The following ECT2L variants were observed in gnomAD, a reference collection of about 807,000 sequenced individuals.
ECT2L encodes epithelial cell-transforming sequence 2 oncogene-like.
A neutral mutation model predicts 122.8 loss-of-function variants in ECT2L; 126 were observed. The ratio of observed to expected loss-of-function variants is 1.03; its 90% CI spans 0.89 to 1.19. The LOEUF (loss-of-function observed/expected upper bound fraction) is 1.19. Ranked by LOEUF, ECT2L falls within the 50% of genes most tolerant of loss-of-function variation. The pLI, the probability that ECT2L is intolerant of heterozygous loss-of-function variation, is 0.00. For missense variants in ECT2L, 1,012 were observed against 1,064.1 expected, an observed-to-expected ratio of 0.95 and a Z score of 0.68; for synonymous variants, 385 against 381.8, an observed-to-expected ratio of 1.01 and a Z score of -0.10.
chr6:138,895,069 G>A (rs1340549352), intron 20 of ECT2L, among the ~76,000 whole-genome samples: 4 of 152,068 alleles, frequency 2.6e-5, no homozygotes, highest in African/African-American at 9.7e-5. Context: ...GACCAGCCTA[G>A]GCAACATAGT....
intron 4 of ECT2L, among the ~76,000 whole-genome samples, chr6:138,822,488 G>T (rs1262259187): frequency 6.6e-6 from 1 of 152,148 alleles, no homozygotes; most frequent in African/African-American, 2.4e-5. Flanking sequence ...CTGGGAGGTG[G>T]AGGTTGCAGT....
intron 13 of ECT2L, 115 bp downstream of exon 13, chr6:138,868,321 G>A: frequency 1.3e-6 from 1 of 782,828 alleles, no homozygotes. Flanking sequence ...CAGTTCCTCA[G>A]AGAAATTACA....
intron 12 of ECT2L, among the ~76,000 whole-genome samples, chr6:138,866,414 C>G (rs991901688): frequency 1.1e-4 from 16 of 152,250 alleles, no homozygotes; most frequent in African/African-American, 3.9e-4. Context: ...CCACGCCCGG[C>G]TAATTTTTGC....
chr6:138,850,492 G>A (rs1777399409), intron 9 of ECT2L, among the ~76,000 whole-genome samples: 1 of 150,406 alleles, frequency 6.6e-6, no homozygotes, highest in South Asian at 2.1e-4. Context: ...GGTCATCCAT[G>A]TTGTATGTGT....
At chr6:138,841,567 T>C (rs1197260083) in intron 5 of ECT2L, among the ~76,000 whole-genome samples, 1 of 152,228 alleles carries the variant, frequency 6.6e-6, no homozygotes, top group East Asian at 1.9e-4. Context: ...TAAATTTCCA[T>C]TTGTGTCCTT....
At chr6:138,840,842 T>G (rs1001198023) in intron 5 of ECT2L, among the ~76,000 whole-genome samples, 2 of 152,188 alleles carry the variant, frequency 1.3e-5, no homozygotes, top group African/African-American at 4.8e-5. Flanking sequence ...TATTTCTTCA[T>G]ATTGATTCTG....
chr6:138,877,802 G>A (rs1053026904), intron 14 of ECT2L, among the ~76,000 whole-genome samples: 3 of 152,030 alleles, frequency 2.0e-5, no homozygotes, highest in Non-Finnish European at 4.4e-5. Context: ...CTGTTGTGGT[G>A]GCTACTCTGG....
At chr6:138,826,915 G>A (rs1301544584) in intron 4 of ECT2L, among the ~76,000 whole-genome samples, 9 of 152,088 alleles carry the variant, frequency 5.9e-5, no homozygotes, top group Non-Finnish European at 1.3e-4. Context: ...TTCTTCATGT[G>A]ATGTGCCTGC....
In ECT2L at chr6:138,879,239, T is replaced by G. The variant is rs1299080930; in HGVS notation, c.1666-1718T>G. On this transcript the variant is annotated intron_variant, in intron 14 of 21. Transcript: ENST00000541398. The stretch of plus-strand genomic sequence containing the variant: ...TGGTGTATGCCTGTTAATCTTAAAT[T>G]GCACCAAGGAACCATCCTGCCCACC... 5.1e-5 allele frequency: 14 copies of G among 276,858 alleles called. 1 individual carries two copies. The highest frequency in any genetic ancestry group is 7.3e-5 in the Non-Finnish European group (10 of 136,752). The allele number at this position is 276,858 out of a possible 1,614,324, so 17.2% of individuals were successfully genotyped here.
At chr6:138,860,819 C>T (rs1233188326) in intron 10 of ECT2L, among the ~76,000 whole-genome samples, 4 of 150,812 alleles carry the variant, frequency 2.7e-5, no homozygotes, top group African/African-American at 9.8e-5. Flanking sequence ...ATCAACCCGT[C>T]GTCTAGGTTT....
intron 9 of ECT2L, 116 bp from the exon 10 acceptor site, chr6:138,853,910 T>A: frequency 4.3e-6 from 5 of 1,168,756 alleles, no homozygotes; most frequent in Non-Finnish European, 6.2e-6. Context: ...TCAGGTGTCT[T>A]GGTCTTGCAG....
chr6:138,824,772 A>G (rs1235869988), intron 4 of ECT2L, among the ~76,000 whole-genome samples: 1 of 152,050 alleles, frequency 6.6e-6, no homozygotes, highest in Non-Finnish European at 1.5e-5. Context: ...TACCCCAGAC[A>G]TGTCACTCTA....
chr6:138,871,885 C>T (rs1276174741), intron 13 of ECT2L, among the ~76,000 whole-genome samples: 1 of 152,118 alleles, frequency 6.6e-6, no homozygotes, highest in East Asian at 1.9e-4. Context: ...ACAACCCTTA[C>T]TTTAATCCTC....
chr6:138,863,553 G>A (rs1777913160), intron 11 of ECT2L, among the ~76,000 whole-genome samples: 1 of 152,090 alleles, frequency 6.6e-6, no homozygotes, highest in Non-Finnish European at 1.5e-5. Flanking sequence ...GAGAGGAACT[G>A]GCCTAGCAGA....
chr6:138,847,779 A>G (rs1777287974), intron 8 of ECT2L, among the ~76,000 whole-genome samples: 1 of 150,440 alleles, frequency 6.6e-6, no homozygotes, highest in Admixed American at 6.6e-5. Context: ...AAATTCCAAC[A>G]CTCTTTTAGC....
intron 14 of ECT2L, among the ~76,000 whole-genome samples, chr6:138,880,297 G>A (rs1778599169): frequency 6.6e-6 from 1 of 152,130 alleles, no homozygotes; most frequent in South Asian, 2.1e-4. Flanking sequence ...GCCTTCTCTT[G>A]GAGTGCTCAC....
intron 11 of ECT2L, 59 bp from the exon 12 acceptor site, chr6:138,864,934 AGAT>A: frequency 1.4e-6 from 2 of 1,480,852 alleles, no homozygotes; most frequent in Non-Finnish European, 1.8e-6. Context: ...ACTTTAAACA[AGAT>A]GTAGAATTGT....
chr6:138,827,252 G>T (rs1280946866), intron 4 of ECT2L, among the ~76,000 whole-genome samples: 2 of 152,028 alleles, frequency 1.3e-5, no homozygotes, highest in Non-Finnish European at 2.9e-5. Flanking sequence ...GGAGGCTGAC[G>T]CAGGAGAATC....
intron 4 of ECT2L, among the ~76,000 whole-genome samples, chr6:138,832,748 G>GT (rs1379220249): frequency 2.3e-4 from 34 of 147,020 alleles, no homozygotes; most frequent in South Asian, 4.3e-4. Flanking sequence ...GTGTTTTTTT[G>GT]TTGTTTTTTT....
Sources: gnomAD v4.1 joint callset for allele counts (sites outside exome capture counted in the v4.1 genomes callset) on GRCh38, gnomAD v4.1.1 for gene constraint, MANE v1.5 for transcripts, NCBI Gene and HGNC (gene_info 2026-07-23, HGNC 2026-07-21) for gene names.